Variants in USP3 observed in about 807,000 individuals in gnomAD.
The protein encoded by USP3 is ubiquitin specific peptidase 3.
In USP3, 20 loss-of-function variants were observed where a neutral mutation model predicts 72.3. The ratio of observed to expected loss-of-function variants is 0.28; its 90% CI spans 0.19 to 0.40. The LOEUF is 0.40. Ranked by LOEUF, USP3 falls within the 10% of genes least tolerant of loss-of-function variation. The pLI is 1.00. For synonymous variants in USP3, 222 were observed against 225.3 expected (o/e 0.99, Z 0.13); for missense variants, 479 against 633.9 (o/e 0.76, Z 2.62).
chr15:63,513,671 G>A (rs79933502), intron 1 of USP3, among the ~76,000 whole-genome samples: 3,610 of 152,136 alleles, frequency 0.024, 131 homozygotes, highest in African/African-American at 0.081. Flanking sequence ...CACCAGTCTG[G>A]GTGGGTTTTC....
At position 63,562,741 on chromosome 15, in the gene USP3, A is replaced by C. The variant is rs889759141; in HGVS notation, c.648-154A>C. On this transcript the variant is annotated intron_variant, in intron 7 of 14. Transcript: ENST00000380324. ...ACTGCTACTTTTATGGGTTTTTGAG[A>C]TGCTCTTATGTATCTTTCAGACTTT... 7.0e-4 allele frequency among the ~76,000 whole-genome samples: 106 copies of C among 152,302 alleles called. 1 individual carries two copies. The highest frequency in any genetic ancestry group is 2.5e-3 in the African/African-American group (104 of 41,572).
At chr15:63,584,087 GTTTT>G (rs2067010910) in intron 11 of USP3, among the ~76,000 whole-genome samples, 1 of 139,830 alleles carries the variant, frequency 7.2e-6, no homozygotes, top group Non-Finnish European at 1.5e-5. Context: ...AGGTACAACG[GTTTT>G]GTTTTTTTTT....
In USP3 at chr15:63,559,875, C is replaced by T. The variant is rs2066575960; in HGVS notation, c.552C>T (p.Cys184=). 1 of 1,613,232 alleles carries T rather than the reference C, an allele frequency of 6.2e-7. No homozygotes were observed. Among genetic ancestry groups the T allele is most frequent in the Non-Finnish European group, 8.5e-7 (1 of 1,179,672 alleles). The change falls in exon 7 of 15, where the codon TGC becomes TGT. Residue 184 remains cysteine, a synonymous_variant. Coordinates refer to ENST00000380324, the MANE Select transcript of USP3 (RefSeq NM_006537.4). Reference sequence around the variant, plus strand: ...AAAATAGTAACATTGAGCAGTTTTGCTGTTATTTCAAAGAACTGCCCGCCG... The same window carrying T: ...AAAATAGTAACATTGAGCAGTTTTGTTGTTATTTCAAAGAACTGCCCGCCG... ...LQSLSNIEQF[C]CYFKELPAVE...
In USP3 at chr15:63,529,050, C is replaced by T. The variant is rs749995412; in HGVS notation, c.92-3597C>T. 1 of 1,288,888 alleles carries T rather than the reference C, an allele frequency of 7.8e-7. No homozygotes were observed. The highest frequency in any genetic ancestry group is 1.2e-5 in the South Asian group (1 of 81,014). 79.8% of individuals were successfully genotyped at this position (1,288,888 alleles called of 1,614,324 possible). ...TTATCTGGTGTGACTGTATTATGCC[C>T]TCAGAGAGTACTGTATGTTGCCCAG... is the stretch of plus-strand genomic sequence containing the variant. On this transcript the variant is annotated intron_variant, in intron 1 of 14. Coordinates refer to ENST00000380324, the MANE Select transcript of USP3 (RefSeq NM_006537.4). This position sits in a 1 kb window ranked among gnomAD's most constrained non-coding sequence, Gnocchi z 4.2.
intron 3 of USP3, among the ~76,000 whole-genome samples, chr15:63,540,828 TAAGATTTCGATGAAAATAAAAATCTTCCC>T (rs1335159269): frequency 1.3e-5 from 2 of 152,210 alleles, no homozygotes; most frequent in African/African-American, 2.4e-5. Flanking sequence ...AAAGGTAAAT[TAAGATTTCGATGAAAATAAAAATCTTCCC>T]AAGATTTCAC....
intron 9 of USP3, among the ~76,000 whole-genome samples, chr15:63,571,940 C>A (rs1466344740): frequency 6.6e-6 from 1 of 152,204 alleles, no homozygotes; most frequent in Non-Finnish European, 1.5e-5. Flanking sequence ...AAAAAGGTAT[C>A]TTGTGCAATG....
chr15:63,510,499 C>T (rs963741033), intron 1 of USP3, among the ~76,000 whole-genome samples: 3 of 152,048 alleles, frequency 2.0e-5, no homozygotes, highest in Non-Finnish European at 4.4e-5. Context: ...TAGATTTAGT[C>T]GGTAGATTAT....
chr15:63,548,753 G>A (rs1242189775), intron 3 of USP3, among the ~76,000 whole-genome samples: 1 of 151,978 alleles, frequency 6.6e-6, no homozygotes, highest in East Asian at 1.9e-4. Context: ...TAGTGGAGTG[G>A]CATGATCTCT....
intron 1 of USP3, among the ~76,000 whole-genome samples, chr15:63,514,713 T>G (rs1217259948): frequency 6.6e-6 from 1 of 152,196 alleles, no homozygotes; most frequent in Non-Finnish European, 1.5e-5. Context: ...TATTTACTTG[T>G]GAGAGGGGGT....
At chr15:63,578,915 A>G (rs112569449) in intron 11 of USP3, among the ~76,000 whole-genome samples, 62 of 152,206 alleles carry the variant, frequency 4.1e-4, no homozygotes, top group Admixed American at 6.5e-4. Context: ...GAGAAATATT[A>G]ACAACTATTG....
At chr15:63,564,552 T>G (rs1470632077) in intron 8 of USP3, among the ~76,000 whole-genome samples, 1 of 152,268 alleles carries the variant, frequency 6.6e-6, no homozygotes. Context: ...CTGCTTTTCC[T>G]GTAAATCTTT....
At chr15:63,515,732 C>T (rs1284483537) in intron 1 of USP3, among the ~76,000 whole-genome samples, 1 of 152,126 alleles carries the variant, frequency 6.6e-6, no homozygotes, top group Non-Finnish European at 1.5e-5. Flanking sequence ...TATGTTACAT[C>T]AATTTACCAT....
At chr15:63,516,814 G>C (rs2065856227) in intron 1 of USP3, among the ~76,000 whole-genome samples, 1 of 151,534 alleles carries the variant, frequency 6.6e-6, no homozygotes, top group Admixed American at 6.6e-5. Flanking sequence ...TTAATAGGAA[G>C]TGAAGGGATT....
At chr15:63,555,890 T>C (rs919601853) in intron 4 of USP3, among the ~76,000 whole-genome samples, 2 of 152,238 alleles carry the variant, frequency 1.3e-5, no homozygotes, top group Non-Finnish European at 2.9e-5. Context: ...TTACTTTGGA[T>C]GAACTGGGTA....
At chr15:63,564,346 G>A (rs1319038344) in intron 8 of USP3, among the ~76,000 whole-genome samples, 1 of 152,098 alleles carries the variant, frequency 6.6e-6, no homozygotes, top group East Asian at 1.9e-4. Flanking sequence ...TATACATCTC[G>A]TGGGGTAATG....
At chr15:63,531,026 A>C (rs1595718514) in intron 1 of USP3, among the ~76,000 whole-genome samples, 2 of 152,214 alleles carry the variant, frequency 1.3e-5, no homozygotes, top group Non-Finnish European at 2.9e-5. Context: ...CTCATACTGA[A>C]TGTAAATATG....
In USP3 at chr15:63,553,749, A is replaced by C. The variant is rs774337310; in HGVS notation, c.319A>C (p.Lys107Gln). Residue 107 changes from lysine to glutamine, a missense_variant, in exon 4 of 15, where the codon AAG becomes CAG. Transcript: ENST00000380324. The surrounding 1 kb of genome is among the most constrained non-coding windows in gnomAD (Gnocchi z 4.2). ...TGATGATTTTGTGGTTAATGACACC[A>C]AGCTGGGACTGGTACAGAAAGTCAG... ...RCDDFVVNDT[K>Q]LGLVQKVREH... 6.2e-7 allele frequency: 1 copy of C among 1,613,132 alleles called. No homozygotes were observed. Among genetic ancestry groups the C allele is most frequent in the Non-Finnish European group, 8.5e-7 (1 of 1,179,490 alleles).
At chr15:63,539,728 A>C (rs2066215583) in intron 3 of USP3, among the ~76,000 whole-genome samples, 1 of 152,226 alleles carries the variant, frequency 6.6e-6, no homozygotes, top group Non-Finnish European at 1.5e-5. Context: ...CAGAGCTGCA[A>C]GTGTGTGGAC....
intron 11 of USP3, among the ~76,000 whole-genome samples, chr15:63,578,142 G>A (rs1479457830): frequency 6.6e-6 from 1 of 152,008 alleles, no homozygotes; most frequent in Admixed American, 6.5e-5. Flanking sequence ...CAGGTACGGT[G>A]GCATGTGCCT....
Sources: gnomAD v4.1 joint callset for allele counts (sites outside exome capture counted in the v4.1 genomes callset) on GRCh38, gnomAD v4.1.1 for gene constraint, Gnocchi (gnomAD v3.1) non-coding constraint, MANE v1.5 for transcripts, NCBI Gene and HGNC (gene_info 2026-07-23, HGNC 2026-07-21) for gene names.